Variants in TMEM87A observed in about 807,000 individuals in gnomAD.
TMEM87A encodes the protein Golgi-pH regulating cation channel.
TMEM87A carries 50 observed loss-of-function variants against 90.0 expected under a neutral mutation model. The observed-to-expected ratio is 0.56, with a 90% CI of 0.44 to 0.70. TMEM87A has a LOEUF of 0.70. TMEM87A is among the 30% of genes least tolerant of loss of function. The probability of loss-of-function intolerance (pLI) is 0.00; values close to 1 mark genes in which losing one functional copy is unlikely to be tolerated. For missense variants in TMEM87A, 577 were observed against 660.5 expected (o/e 0.87, Z 1.39); for synonymous variants, 226 against 226.7 (o/e 1.00, Z 0.03).
At chr15:42,216,855 AAAAAACAAAAC>A (rs1478631920) in intron 19 of TMEM87A, among the ~76,000 whole-genome samples, 1 of 152,192 alleles carries the variant, frequency 6.6e-6, no homozygotes, top group Admixed American at 6.5e-5. Context: ...GCTTCCTGAA[AAAAAACAAAAC>A]AAAAACAAAC....
intron 6 of TMEM87A, among the ~76,000 whole-genome samples, chr15:42,249,637 G>A (rs565506020): frequency 1.3e-5 from 2 of 152,284 alleles, no homozygotes; most frequent in Non-Finnish European, 2.9e-5. Flanking sequence ...TTGCAATGTC[G>A]TCTGAGAGAC....
At chr15:42,256,198 T>C (rs2051181313) in intron 6 of TMEM87A, among the ~76,000 whole-genome samples, 1 of 152,160 alleles carries the variant, frequency 6.6e-6, no homozygotes, top group East Asian at 1.9e-4. Flanking sequence ...TGGAGTGCAG[T>C]GGTGCAATCA....
chr15:42,244,113 G>T lies in TMEM87A; in HGVS notation c.559C>A (p.His187Asn). ...WQDAPYIFIV[H>N]IGISSSKESS... ...TCCTTTGAGGATGAAATGCCAATAT[G>T]TACAATAAAAATGTATGGTGCATCT... Residue 187 changes from histidine to asparagine, a missense_variant, in exon 7 of 20, where the codon CAT becomes AAT. Physicochemically the swap from His to Asn is moderately conservative, Grantham distance 68 (BLOSUM62 1). Coordinates refer to ENST00000389834, the MANE Select transcript of TMEM87A (RefSeq NM_015497.5). 1 of 1,578,478 alleles carries T rather than the reference G, an allele frequency of 6.3e-7. No homozygotes were observed. Among genetic ancestry groups the T allele is most frequent in the Non-Finnish European group, 8.6e-7 (1 of 1,168,408 alleles).
chr15:42,213,775 A>G (rs368005598), intron 19 of TMEM87A, among the ~76,000 whole-genome samples: 2 of 152,178 alleles, frequency 1.3e-5, no homozygotes, highest in South Asian at 2.1e-4. Context: ...GTCCATGAAC[A>G]CTGGAAAGGT....
At chr15:42,231,070 C>T (rs1595717380) in intron 12 of TMEM87A, 122 bp downstream of exon 12, 2 of 848,052 alleles carry the variant, frequency 2.4e-6, no homozygotes, top group East Asian at 5.9e-5. Context: ...TTAGCATGCA[C>T]TGTTCCCCAC....
At chr15:42,272,917 T>G (rs2051571544) in intron 1 of TMEM87A, 1 of 503,580 alleles carries the variant, frequency 2.0e-6, no homozygotes, top group African/African-American at 1.9e-5. Context: ...CCGGGGACAC[T>G]GGATTCTGTG....
intron 3 of TMEM87A, 21 bp downstream of exon 3, chr15:42,267,926 C>CT: frequency 6.3e-7 from 1 of 1,595,700 alleles, no homozygotes; most frequent in South Asian, 1.1e-5. Flanking sequence ...CAAAAAAACT[C>CT]TGTAATTTTA....
intron 1 of TMEM87A, 45 bp downstream of exon 1, chr15:42,273,209 AC>A (rs763811018): frequency 1.2e-6 from 2 of 1,608,586 alleles, no homozygotes; most frequent in African/African-American, 1.3e-5. Flanking sequence ...CCGTAGCCCC[AC>A]CCCTTGCTCC....
At chr15:42,253,542 C>T (rs1221277746) in intron 6 of TMEM87A, among the ~76,000 whole-genome samples, 1 of 152,162 alleles carries the variant, frequency 6.6e-6, no homozygotes, top group African/African-American at 2.4e-5. Flanking sequence ...TTCAGGGAGC[C>T]TCCAGGCAGG....
intron 14 of TMEM87A, 73 bp downstream of exon 14, chr15:42,227,638 C>G: frequency 7.1e-7 from 1 of 1,406,506 alleles, no homozygotes; most frequent in East Asian, 2.3e-5. Flanking sequence ...CTTAGAAGAA[C>G]CTTACCACTG....
intron 9 of TMEM87A, 35 bp downstream of exon 9, chr15:42,237,396 AC>A (rs2050788491): frequency 6.2e-7 from 1 of 1,605,922 alleles, no homozygotes; most frequent in Non-Finnish European, 8.5e-7. Flanking sequence ...TCACCTTCCA[AC>A]CACTCGAACT....
chr15:42,220,920 T>C (rs1028546521), intron 15 of TMEM87A, among the ~76,000 whole-genome samples: 6 of 152,046 alleles, frequency 3.9e-5, no homozygotes, highest in African/African-American at 1.2e-4. Context: ...GCTTCCCGAA[T>C]AGCTGGGAGT....
intron 6 of TMEM87A, among the ~76,000 whole-genome samples, chr15:42,252,051 G>A (rs1020609698): frequency 1.3e-5 from 2 of 152,260 alleles, no homozygotes; most frequent in African/African-American, 4.8e-5. Flanking sequence ...GACCCGCTGA[G>A]CCAGGTGCGG....
At chr15:42,248,882 T>C (rs1351030378) in intron 6 of TMEM87A, among the ~76,000 whole-genome samples, 1 of 152,234 alleles carries the variant, frequency 6.6e-6, no homozygotes, top group African/African-American at 2.4e-5. Flanking sequence ...TTTGTACCTC[T>C]GGTAGAATTC....
intron 19 of TMEM87A, among the ~76,000 whole-genome samples, chr15:42,215,846 A>T (rs2050375173): frequency 6.6e-6 from 1 of 152,238 alleles, no homozygotes; most frequent in South Asian, 2.1e-4. Flanking sequence ...CAAAAAAATT[A>T]AAAAATAACT....
At position 42,211,652 on chromosome 15, in the gene TMEM87A, A is replaced by G; in HGVS notation, c.*56T>C. The G allele has an allele frequency of 6.5e-7, 1 of 1,537,088 alleles. No homozygotes were observed. The highest frequency in any genetic ancestry group is 9.0e-7 in the Non-Finnish European group (1 of 1,112,594). On this transcript the variant is annotated 3_prime_UTR_variant, in exon 20 of 20. Transcript: ENST00000389834. Reference sequence around the variant, plus strand: ...ATGGAGCCGTACAGAAGACTGACACAGATGCTGATCTCTTCCCTGATGGTA... The same window carrying G: ...ATGGAGCCGTACAGAAGACTGACACGGATGCTGATCTCTTCCCTGATGGTA...
At position 42,220,225 on chromosome 15, in the gene TMEM87A, C is replaced by T. The variant is rs1344705599; in HGVS notation, c.1404-90G>A. On this transcript the variant is annotated intron_variant, in intron 15 of 19. Coordinates refer to ENST00000389834, the MANE Select transcript of TMEM87A (RefSeq NM_015497.5). ...CATTTTACAAAACTAATTATTGAAA[C>T]TGCAATTATAGTAATTCATTAAATC... 6 of 882,976 alleles carry T rather than the reference C, an allele frequency of 6.8e-6. No individual in the cohort carries two copies. The East Asian group carries it at 1.5e-4, about 22-fold the overall frequency. The allele number at this position is 882,976 out of a possible 1,614,324, so 54.7% of individuals were successfully genotyped here.
At chr15:42,268,569 A>C (rs2051451283) in intron 2 of TMEM87A, among the ~76,000 whole-genome samples, 1 of 152,178 alleles carries the variant, frequency 6.6e-6, no homozygotes, top group African/African-American at 2.4e-5. Context: ...CAGGCAAGGG[A>C]GGCAGGAGGA....
intron 11 of TMEM87A, 147 bp downstream of exon 11, chr15:42,233,066 T>C (rs905316859): frequency 2.6e-5 from 14 of 545,360 alleles, no homozygotes; most frequent in East Asian, 1.5e-4. Flanking sequence ...AAAGAGAACA[T>C]GAACTATACA....
Sources: allele counts gnomAD v4.1 joint callset (sites outside exome capture counted in the v4.1 genomes callset), GRCh38; gene constraint gnomAD v4.1.1; transcripts MANE v1.5; gene names NCBI Gene and HGNC (gene_info 2026-07-23, HGNC 2026-07-21).